SOX5: variants seen among roughly 807,000 people sequenced by gnomAD.
SOX5 encodes the protein transcription factor SOX-5.
Under a neutral mutation model 92.0 loss-of-function variants are expected in SOX5, and 9 were observed. The ratio of observed to expected loss-of-function variants is 0.10; its 90% CI spans 0.06 to 0.17. The LOEUF (loss-of-function observed/expected upper bound fraction) is 0.17, where lower values mean the gene tolerates loss of function less well. SOX5 is among the 10% of genes least tolerant of loss of function. The pLI is 1.00. For missense variants in SOX5, 642 were observed against 944.5 expected (o/e 0.68, Z 4.20); for synonymous variants, 344 against 336.3 (o/e 1.02, Z -0.25).
chr12:23,679,587 C>T (rs2086256370), intron 6 of SOX5, among the ~76,000 whole-genome samples: 1 of 152,034 alleles, frequency 6.6e-6, no homozygotes, highest in African/African-American at 2.4e-5. Flanking sequence ...CAGACTTTAC[C>T]TAACTTAGGT....
At chr12:23,611,643 G>A (rs1438777992) in intron 8 of SOX5, among the ~76,000 whole-genome samples, 1 of 152,032 alleles carries the variant, frequency 6.6e-6, no homozygotes, top group Non-Finnish European at 1.5e-5. Flanking sequence ...CTGGATAAAG[G>A]CACAGGAGAC....
intron 3 of SOX5, among the ~76,000 whole-genome samples, chr12:24,218,728 A>T (rs1450762842): frequency 6.6e-6 from 1 of 152,152 alleles, no homozygotes; most frequent in Non-Finnish European, 1.5e-5. Context: ...AAAAAAGTAT[A>T]TACATCTACC....
chr12:23,900,816 C>T (rs556253081), intron 1 of SOX5, among the ~76,000 whole-genome samples: 11 of 152,030 alleles, frequency 7.2e-5, no homozygotes, highest in East Asian at 1.9e-4. Flanking sequence ...AAAAATTAGC[C>T]GGGTGTGGTG....
chr12:24,391,687 G>T (rs1228925555), intron 1 of SOX5, among the ~76,000 whole-genome samples: 1 of 152,268 alleles, frequency 6.6e-6, no homozygotes, highest in African/African-American at 2.4e-5. Flanking sequence ...ATTAAAAGAA[G>T]TAAATTAATT....
chr12:23,892,115 A>C (rs1397151607), intron 2 of SOX5, among the ~76,000 whole-genome samples: 2 of 152,198 alleles, frequency 1.3e-5, no homozygotes, highest in Non-Finnish European at 2.9e-5. Context: ...AGACATGTAA[A>C]TAAATAAATT....
At chr12:24,252,497 G>T (rs995507836) in intron 3 of SOX5, among the ~76,000 whole-genome samples, 34 of 150,066 alleles carry the variant, frequency 2.3e-4, no homozygotes, top group African/African-American at 8.1e-4. Context: ...AATAAAGGGG[G>T]AAAGGCCAAA....
chr12:23,833,636 T>C (rs1224215563), intron 3 of SOX5, among the ~76,000 whole-genome samples: 1 of 152,022 alleles, frequency 6.6e-6, no homozygotes, highest in East Asian at 1.9e-4. Context: ...TTCATGTGTG[T>C]ATTTCAATTT....
chr12:23,920,138 A>C (rs1937711799), intron 1 of SOX5: 1 of 152,196 alleles, frequency 6.6e-6, no homozygotes, highest in South Asian at 2.1e-4. Flanking sequence ...AACCTTTTCT[A>C]ATCTCTGCTA....
intron 13 of SOX5, among the ~76,000 whole-genome samples, chr12:23,539,908 A>C (rs1941551074): frequency 6.6e-6 from 1 of 152,156 alleles, no homozygotes; most frequent in Non-Finnish European, 1.5e-5. Flanking sequence ...CAGTGTTTCC[A>C]TTTGGTGGTA....
At chr12:24,428,278 C>T (rs1235024358) in intron 1 of SOX5, among the ~76,000 whole-genome samples, 2 of 150,928 alleles carry the variant, frequency 1.3e-5, no homozygotes, top group Non-Finnish European at 2.9e-5. Context: ...CCAGTCTGAA[C>T]GACTTGGGAA....
intron 4 of SOX5, among the ~76,000 whole-genome samples, chr12:24,185,421 C>T (rs1955915294): frequency 6.6e-6 from 1 of 152,160 alleles, no homozygotes; most frequent in Non-Finnish European, 1.5e-5. Context: ...TAGTGCTATA[C>T]ACTTCCTCTT....
chr12:23,921,653 T>G (rs1938318572), intron 1 of SOX5, among the ~76,000 whole-genome samples: 1 of 152,156 alleles, frequency 6.6e-6, no homozygotes. Flanking sequence ...AAAAAATATT[T>G]CAAAGCAAGA....
At chr12:23,745,819 G>A (rs1360483751) in intron 4 of SOX5, among the ~76,000 whole-genome samples, 1 of 151,980 alleles carries the variant, frequency 6.6e-6, no homozygotes, top group Non-Finnish European at 1.5e-5. Flanking sequence ...ATTATCTTAT[G>A]TTCACATTTT....
At chr12:24,348,152 C>T (rs929278467) in intron 2 of SOX5, among the ~76,000 whole-genome samples, 21 of 150,826 alleles carry the variant, frequency 1.4e-4, no homozygotes, top group African/African-American at 4.6e-4. Flanking sequence ...TGAATCATGG[C>T]ATTAAGAAGT....
intron 4 of SOX5, among the ~76,000 whole-genome samples, chr12:24,024,403 C>CTGTATCCATCT (rs1954650399): frequency 6.6e-6 from 1 of 151,988 alleles, no homozygotes; most frequent in Non-Finnish European, 1.5e-5. Context: ...ATCTACATTG[C>CTGTATCCATCT]ACTGTATCAC....
chr12:23,905,068 T>G (rs1189998685), intron 1 of SOX5, among the ~76,000 whole-genome samples: 1 of 152,222 alleles, frequency 6.6e-6, no homozygotes, highest in Non-Finnish European at 1.5e-5. Context: ...TTCTTGTCAT[T>G]ATCTGAAAGA....
At chr12:23,627,996 TCA>T (rs1186875212) in intron 8 of SOX5, among the ~76,000 whole-genome samples, 1 of 152,038 alleles carries the variant, frequency 6.6e-6, no homozygotes, top group African/African-American at 2.4e-5. Flanking sequence ...GTATCTTAGG[TCA>T]CACAAAAACA....
At chr12:23,990,187 T>C (rs1177167400) in intron 4 of SOX5, among the ~76,000 whole-genome samples, 1 of 152,182 alleles carries the variant, frequency 6.6e-6, no homozygotes, top group Non-Finnish European at 1.5e-5. Flanking sequence ...AGTTGCATTA[T>C]TCTCTTACCT....
At chr12:24,321,253 TTTCA>T (rs1437228471) in intron 2 of SOX5, among the ~76,000 whole-genome samples, 1 of 152,228 alleles carries the variant, frequency 6.6e-6, no homozygotes, top group Non-Finnish European at 1.5e-5. Flanking sequence ...TTGTGAACTG[TTTCA>T]TTAATTAATA....
Sources: gnomAD v4.1 joint callset for allele counts (sites outside exome capture counted in the v4.1 genomes callset) on GRCh38, gnomAD v4.1.1 for gene constraint, MANE v1.5 for transcripts, NCBI Gene and HGNC (gene_info 2026-07-23, HGNC 2026-07-21) for gene names.